Variants in EYA1 observed in about 807,000 individuals in gnomAD.
EYA1 encodes the protein EYA transcriptional coactivator and phosphatase 1, also known as protein phosphatase EYA1.
EYA1 carries 16 observed loss-of-function variants against 82.0 expected under a neutral mutation model. That is an observed-to-expected ratio of 0.20 (90% CI 0.13 to 0.30). The LOEUF (loss-of-function observed/expected upper bound fraction) is 0.30. Among genes scored for constraint, EYA1 ranks in the 10% least tolerant of loss-of-function variants. The pLI is 1.00. For missense variants in EYA1, 633 were observed against 730.7 expected (o/e 0.87, Z 1.54); for synonymous variants, 261 against 264.4 (o/e 0.99, Z 0.12).
chr8:71,538,239 A>T (rs1451015248), intron 1 of EYA1, among the ~76,000 whole-genome samples: 1 of 151,890 alleles, frequency 6.6e-6, no homozygotes, highest in African/African-American at 2.4e-5. Context: ...CCATTATAGC[A>T]CTCATCTAGT....
intron 2 of EYA1, among the ~76,000 whole-genome samples, chr8:71,496,807 C>A (rs1811446945): frequency 6.6e-6 from 1 of 152,004 alleles, no homozygotes; most frequent in Admixed American, 6.6e-5. Context: ...TCGATTACCA[C>A]CAATTATTGT....
chr8:71,213,827 T>C (rs1808837007), intron 16 of EYA1, among the ~76,000 whole-genome samples: 1 of 152,198 alleles, frequency 6.6e-6, no homozygotes. Context: ...AAAAGAAATC[T>C]TGTGTCGGCC....
At chr8:71,370,873 C>G (rs1437984753) in intron 2 of EYA1, among the ~76,000 whole-genome samples, 1 of 152,124 alleles carries the variant, frequency 6.6e-6, no homozygotes, top group East Asian at 1.9e-4. Context: ...GATGCTCCCA[C>G]CTTGGCCTCC....
chr8:71,381,165 C>G (rs779581985), intron 2 of EYA1, among the ~76,000 whole-genome samples: 4 of 152,218 alleles, frequency 2.6e-5, no homozygotes, highest in Admixed American at 6.5e-5. Context: ...TCACTCTGGC[C>G]TGGGGTCACA....
intron 2 of EYA1, among the ~76,000 whole-genome samples, chr8:71,491,434 T>C (rs1810991279): frequency 6.6e-6 from 1 of 152,166 alleles, no homozygotes; most frequent in African/African-American, 2.4e-5. Context: ...CCAGAATTCA[T>C]ATGCTGAAGC....
intron 2 of EYA1, among the ~76,000 whole-genome samples, chr8:71,490,256 T>C (rs1314681726): frequency 6.6e-6 from 1 of 152,216 alleles, no homozygotes; most frequent in Non-Finnish European, 1.5e-5. Flanking sequence ...GAGAAGATGG[T>C]TGCCATTTTT....
chr8:71,468,176 T>C (rs1808914718), intron 2 of EYA1, among the ~76,000 whole-genome samples: 1 of 152,180 alleles, frequency 6.6e-6, no homozygotes, highest in South Asian at 2.1e-4. Flanking sequence ...AGATTTATTA[T>C]TAGAAAGGCA....
At chr8:71,375,289 GAAT>G (rs905955240) in intron 2 of EYA1, among the ~76,000 whole-genome samples, 1 of 149,942 alleles carries the variant, frequency 6.7e-6, no homozygotes, top group Non-Finnish European at 1.5e-5. Flanking sequence ...TTTAAAATGG[GAAT>G]ACTACCTCAT....
chr8:71,252,935 T>TAC (rs1813927301), intron 11 of EYA1, among the ~76,000 whole-genome samples: 1 of 152,154 alleles, frequency 6.6e-6, no homozygotes, highest in African/African-American at 2.4e-5. Flanking sequence ...CTGGGGGGAA[T>TAC]AGGTCTTGGC....
intron 2 of EYA1, among the ~76,000 whole-genome samples, chr8:71,524,483 A>G (rs566791178): frequency 2.0e-5 from 3 of 152,366 alleles, no homozygotes; most frequent in Admixed American, 1.3e-4. Context: ...TAAAGTTAAT[A>G]CCTGAATATG....
At chr8:71,505,844 T>C (rs774974945) in intron 2 of EYA1, among the ~76,000 whole-genome samples, 6 of 152,202 alleles carry the variant, frequency 3.9e-5, no homozygotes, top group Non-Finnish European at 8.8e-5. Flanking sequence ...GTAATCTTCA[T>C]AATCCCCATG....
Position 71,207,412 on chromosome 8 carries a change from G to A in EYA1, c.1698+3744C>T, listed in dbSNP as rs1354487120. Among the ~76,000 whole-genome samples the A allele has an allele frequency of 3.9e-5, 6 of 152,244 alleles. No homozygotes were observed. In the South Asian group the frequency reaches 6.2e-4, roughly 16 times the overall value. On this transcript the variant is annotated intron_variant, in intron 17 of 17. Coordinates refer to ENST00000340726, the MANE Select transcript of EYA1 (RefSeq NM_000503.6). The stretch of plus-strand genomic sequence containing the variant: ...GTTCAACTTGTTGTAAATTGATGAC[G>A]TCTGAATCTTTTGCAAGATTATTAG...
At chr8:71,533,120 T>C (rs1814425394) in intron 2 of EYA1, among the ~76,000 whole-genome samples, 1 of 152,182 alleles carries the variant, frequency 6.6e-6, no homozygotes, top group South Asian at 2.1e-4. Flanking sequence ...GGTGAGAGGA[T>C]GAGTACTGGG....
chr8:71,351,781 G>A (rs990429041), intron 3 of EYA1, among the ~76,000 whole-genome samples: 2 of 152,104 alleles, frequency 1.3e-5, no homozygotes. Context: ...TTCCCTTCTT[G>A]TTTGTTCTTC....
chr8:71,453,282 C>T (rs1807547568), intron 2 of EYA1, among the ~76,000 whole-genome samples: 1 of 152,160 alleles, frequency 6.6e-6, no homozygotes, highest in African/African-American at 2.4e-5. Flanking sequence ...AAAACACCAA[C>T]TCTACGTCTA....
At chr8:71,537,892 G>A (rs1352097685) in intron 1 of EYA1, among the ~76,000 whole-genome samples, 1 of 152,276 alleles carries the variant, frequency 6.6e-6, no homozygotes, top group South Asian at 2.1e-4. Flanking sequence ...AAACTATTCT[G>A]TACTAAATTT....
At chr8:71,200,973 C>T (rs1333190827) in intron 17 of EYA1, among the ~76,000 whole-genome samples, 1 of 145,428 alleles carries the variant, frequency 6.9e-6, no homozygotes, top group Non-Finnish European at 1.5e-5. Flanking sequence ...TGGTTATGTG[C>T]ATTGCGGGAC....
In EYA1 at chr8:71,199,005, A is replaced by G; in HGVS notation, c.*335T>C. 2.7e-6 allele frequency: 1 copy of G among 374,266 alleles called. No homozygotes were observed. Among genetic ancestry groups the G allele is most frequent in the Non-Finnish European group, 5.1e-6 (1 of 194,522 alleles). 23.2% of individuals were successfully genotyped at this position (374,266 alleles called of 1,614,324 possible). The stretch of plus-strand genomic sequence containing the variant: ...GTTTGCTGTATTGGAGAAGCTGTTT[A>G]TATCACATTGAAAATGCTAACAACT... On this transcript the variant is annotated 3_prime_UTR_variant, in exon 18 of 18. Transcript: ENST00000340726.
At chr8:71,199,780 T>G (rs1289167662) in intron 17 of EYA1, among the ~76,000 whole-genome samples, 1 of 152,234 alleles carries the variant, frequency 6.6e-6, no homozygotes, top group Non-Finnish European at 1.5e-5. Context: ...TTTAAAAAGC[T>G]TGTACTTTAT....
Sources: gnomAD v4.1 joint callset for allele counts (sites outside exome capture counted in the v4.1 genomes callset) on GRCh38, gnomAD v4.1.1 for gene constraint, MANE v1.5 for transcripts, NCBI Gene and HGNC (gene_info 2026-07-23, HGNC 2026-07-21) for gene names.